Variants in TECTA observed in about 807,000 individuals in gnomAD.
TECTA encodes alpha-tectorin.
A neutral mutation model predicts 216.8 loss-of-function variants in TECTA; 128 were observed. The observed-to-expected ratio is 0.59, with a 90% CI of 0.51 to 0.68. The LOEUF (loss-of-function observed/expected upper bound fraction) is 0.68, where lower values mean the gene tolerates loss of function less well. TECTA is among the 30% of genes least tolerant of loss of function. The pLI is 0.00. For missense variants in TECTA, 2,551 were observed against 2,786.2 expected, an observed-to-expected ratio of 0.92 and a Z score of 1.90; for synonymous variants, 1,089 against 1,117.1, an observed-to-expected ratio of 0.97 and a Z score of 0.50.
intron 20 of TECTA, 93 bp downstream of exon 20, chr11:121,169,018 G>T: frequency 6.2e-7 from 1 of 1,600,404 alleles, no homozygotes; most frequent in Non-Finnish European, 8.5e-7. Flanking sequence ...ACTAATATTT[G>T]TTGGCTGCCT....
At chr11:121,163,532 T>A (rs1414430154) in intron 16 of TECTA, among the ~76,000 whole-genome samples, 1 of 152,006 alleles carries the variant, frequency 6.6e-6, no homozygotes, top group Non-Finnish European at 1.5e-5. Flanking sequence ...CACACCAGCA[T>A]GGCACATGTA....
chr11:121,189,165 AAAGT>A lies in TECTA; in HGVS notation c.6250_6250+3del. 3 of 1,613,926 alleles carry A rather than the reference AAAGT, an allele frequency of 1.9e-6. No individual in the cohort carries two copies. The highest frequency in any genetic ancestry group is 2.5e-6 in the Non-Finnish European group (3 of 1,179,810). ...ATTTCAGTGGGACCTATTAGGAGAA[AAAGT>A]ATGTATGTTCCCTAAAACACACCCT... On this transcript the variant is annotated splice_donor_variant and coding_sequence_variant, in exon 22 of 24. Transcript: ENST00000392793. LOFTEE classifies it high-confidence loss of function.
In TECTA at chr11:121,125,471, G is replaced by C; in HGVS notation, c.1373G>C (p.Cys458Ser). The C allele has an allele frequency of 2.5e-6, 4 of 1,614,180 alleles. No individual in the cohort carries two copies. The highest frequency in any genetic ancestry group is 3.4e-6 in the Non-Finnish European group (4 of 1,180,050). ...CCAGGCTCCTATATAAACTCCACCT[G>C]TGGACTCTGTGGAAACTATAATAAA... ...SVPGSYINST[C>S]GLCGNYNKNP... The change falls in exon 8 of 24, where the codon TGT becomes TCT. Residue 458 changes from cysteine to serine, a missense_variant. Coordinates refer to ENST00000392793, the MANE Select transcript of TECTA (RefSeq NM_005422.4).
chr11:121,107,795 C>G (rs1946404587), intron 3 of TECTA, among the ~76,000 whole-genome samples: 1 of 152,180 alleles, frequency 6.6e-6, no homozygotes, highest in African/African-American at 2.4e-5. Context: ...GTAAGGTTTC[C>G]TATTTAATTG....
At position 121,168,686 on chromosome 11, in the gene TECTA, C is replaced by A. The variant is rs1057520192; in HGVS notation, c.5760C>A (p.Asn1920Lys). ...SVVKPMLSVI[N>K]LTVPTQEGSF... ...ATTGTTTCCGTTTTAGTGTAATTAACCTGACAGTTCCAACCCAAGAAGGCA... is the reference window on the plus strand; with the variant it reads ...ATTGTTTCCGTTTTAGTGTAATTAAACTGACAGTTCCAACCCAAGAAGGCA... The change falls in exon 20 of 24, where the codon AAC (asparagine) becomes AAA (lysine). Residue 1920 changes from asparagine (N) to lysine (K), a missense_variant. Transcript: ENST00000392793. 2.5e-6 allele frequency: 4 copies of A among 1,614,072 alleles called. No homozygotes were observed. Among genetic ancestry groups the A allele is most frequent in the Non-Finnish European group, 3.4e-6 (4 of 1,179,974 alleles).
Position 121,160,380 on chromosome 11 carries a change from G to A in TECTA, c.4935G>A (p.Val1645=). ...GAGGGAAGCCGGTGGTAAGCAGCGTGGTGCTGGCCCAGAGCTGGAAAACCA... is the reference window on the plus strand; with the variant it reads ...GAGGGAAGCCGGTGGTAAGCAGCGTAGTGCTGGCCCAGAGCTGGAAAACCA... ...TLRGKPVVSS[V]VLAQSWKTNG... is the part of the protein sequence containing the mutation. The change falls in exon 15 of 24, where the codon GTG becomes GTA. Residue 1645 remains valine (V), a synonymous_variant. Coordinates refer to ENST00000392793, the MANE Select transcript of TECTA (RefSeq NM_005422.4). 2 of 1,613,346 alleles carry A rather than the reference G, an allele frequency of 1.2e-6. No individual in the cohort carries two copies. Among genetic ancestry groups the A allele is most frequent in the Non-Finnish European group, 8.5e-7 (1 of 1,179,944 alleles).
intron 9 of TECTA, 79 bp from the exon 10 acceptor site, chr11:121,129,559 G>C: frequency 6.9e-7 from 1 of 1,455,796 alleles, no homozygotes; most frequent in Admixed American, 1.7e-5. Flanking sequence ...AGGGCAGACC[G>C]TGTCTTTATC....
intron 10 of TECTA, among the ~76,000 whole-genome samples, chr11:121,132,164 C>T (rs1164969505): frequency 1.3e-5 from 2 of 152,098 alleles, no homozygotes; most frequent in African/African-American, 2.4e-5. Flanking sequence ...TTCAATGGCT[C>T]CTGCATTCAT....
At chr11:121,153,847 ATTTAG>A (rs550940307) in intron 13 of TECTA, among the ~76,000 whole-genome samples, 3 of 152,356 alleles carry the variant, frequency 2.0e-5, no homozygotes, top group African/African-American at 7.2e-5. Context: ...TAGACAAGGT[ATTTAG>A]TTCATGGTTC....
intron 8 of TECTA, 84 bp downstream of exon 8, chr11:121,125,956 G>T: frequency 6.8e-7 from 1 of 1,472,852 alleles, no homozygotes; most frequent in Non-Finnish European, 9.2e-7. Context: ...AAATGTCCTT[G>T]TTAAGACTTG....
chr11:121,141,843 A>G lies in TECTA; in HGVS notation c.3544-3712A>G, dbSNP rs899705148. Among the ~76,000 whole-genome samples the G allele has an allele frequency of 8.5e-5, 13 of 152,344 alleles. No homozygotes were observed. In the Middle Eastern group the frequency reaches 0.01, roughly 120 times the overall value. On this transcript the variant is annotated intron_variant, in intron 11 of 23. Coordinates refer to ENST00000392793, the MANE Select transcript of TECTA (RefSeq NM_005422.4). ...AATCAAACATGGCCTCTGTCCTAAG[A>G]GAGCTTAGAGTCTAGCGCAAGAGAC...
At chr11:121,148,533 C>A (rs528006301) in intron 12 of TECTA, among the ~76,000 whole-genome samples, 21 of 152,178 alleles carry the variant, frequency 1.4e-4, no homozygotes, top group Non-Finnish European at 2.5e-4. Context: ...CCTAACTCAG[C>A]CATTCGACCT....
At chr11:121,146,177 G>A (rs1946837330) in intron 12 of TECTA, 61 bp downstream of exon 12, 2 of 1,584,056 alleles carry the variant, frequency 1.3e-6, no homozygotes, top group East Asian at 4.5e-5. Context: ...CTCTGGGAAG[G>A]CCAGTCTTCC....
chr11:121,103,528 C>A (rs926884990), intron 2 of TECTA, among the ~76,000 whole-genome samples: 1 of 151,928 alleles, frequency 6.6e-6, no homozygotes, highest in African/African-American at 2.4e-5. Context: ...TGAAAGAGGG[C>A]CCTTGACTTC....
Position 121,168,697 on chromosome 11 carries a change from C to A in TECTA, c.5771C>A (p.Pro1924Gln). The change falls in exon 20 of 24, where the codon CCA becomes CAA. Residue 1924 changes from proline (P) to glutamine (Q), a missense_variant. Coordinates refer to ENST00000392793, the MANE Select transcript of TECTA (RefSeq NM_005422.4). ...TTTAGTGTAATTAACCTGACAGTTC[C>A]AACCCAAGAAGGCAGCTTCATCACC... ...PMLSVINLTV[P>Q]TQEGSFITKM... 1 of 1,614,074 alleles carries A rather than the reference C, an allele frequency of 6.2e-7. No homozygotes were observed. The highest frequency in any genetic ancestry group is 8.5e-7 in the Non-Finnish European group (1 of 1,179,982).
chr11:121,137,695 C>G lies in TECTA; in HGVS notation c.3216C>G (p.Cys1072Trp), dbSNP rs760328639. The G allele has an allele frequency of 9.9e-6, 16 of 1,614,044 alleles. No homozygotes were observed. The highest frequency in any genetic ancestry group is 6.8e-6 in the Non-Finnish European group (8 of 1,180,018). The stretch of plus-strand genomic sequence containing the variant: ...GTGGCACAGACAACAGGGTCCACTG[C>G]GAGACCATTCCCTGCAAGGATGATG... ...YCSGTDNRVH[C>W]ETIPCKDDEY... is the part of the protein sequence containing the mutation. The change falls in exon 11 of 24, where the codon TGC (cysteine) becomes TGG (tryptophan). Residue 1072 changes from cysteine (C) to tryptophan (W), a missense_variant. Cys to Trp is a radical substitution (Grantham distance 215, BLOSUM62 -2). This residue lies in a region of TECTA where 2,375 missense variants were observed against 2,563.9 expected (regional missense o/e 0.93). Coordinates refer to ENST00000392793, the MANE Select transcript of TECTA (RefSeq NM_005422.4).
rs1159045795 is a variant in TECTA at position 121,105,319 on chromosome 11, TCTC to T, written c.65-507_65-505del. 1.3e-5 allele frequency among the ~76,000 whole-genome samples: 2 copies of T among 152,218 alleles called. No homozygotes were observed. The highest frequency in any genetic ancestry group is 2.9e-5 in the Non-Finnish European group (2 of 68,030). On this transcript the variant is annotated intron_variant, in intron 2 of 23. Transcript: ENST00000392793. This position sits in a 1 kb window ranked among gnomAD's most constrained non-coding sequence, Gnocchi z 5.3. ...TTCATGGGCCAATTGCTACAAATCC[TCTC>T]CTCCCACTTTTGTCTCAGTTCCCAC...
chr11:121,170,278 A>G (rs1156533236), intron 20 of TECTA, among the ~76,000 whole-genome samples: 1 of 152,180 alleles, frequency 6.6e-6, no homozygotes, highest in Non-Finnish European at 1.5e-5. Flanking sequence ...GGTTGATTCC[A>G]TATCTTGGCT....
rs374286593 is a variant in TECTA, at chr11:121,113,122, C to A, written c.537C>A (p.Thr179=). The A allele has an allele frequency of 6.2e-7, 1 of 1,614,122 alleles. No individual in the cohort carries two copies. Among genetic ancestry groups the A allele is most frequent in the South Asian group, 1.1e-5 (1 of 91,072 alleles). The stretch of plus-strand genomic sequence containing the variant: ...TGTCCGATGGCTCCTATACATTCAC[C>A]CTCTTCAATTATTACGAAATCAACT... ...VLVSDGSYTF[T]LFNYYEINWT... The change falls in exon 5 of 24, where the codon ACC becomes ACA. Residue 179 remains threonine (T), a synonymous_variant. Transcript: ENST00000392793. This position sits in a 1 kb window ranked among gnomAD's most constrained non-coding sequence, Gnocchi z 4.2.
Sources: gnomAD v4.1 joint callset for allele counts (sites outside exome capture counted in the v4.1 genomes callset) on GRCh38, gnomAD v4.1.1 for gene constraint, gnomAD v4.1.1 regional missense constraint, Gnocchi (gnomAD v3.1) non-coding constraint, MANE v1.5 for transcripts, NCBI Gene and HGNC (gene_info 2026-07-23, HGNC 2026-07-21) for gene names.